GABRB1: variants seen among roughly 807,000 people sequenced by gnomAD.
The protein encoded by GABRB1 is gamma-aminobutyric acid type A receptor subunit beta1.
GABRB1 carries 17 observed loss-of-function variants against 51.6 expected under a neutral mutation model. The ratio of observed to expected loss-of-function variants is 0.33; its 90% CI spans 0.23 to 0.49. GABRB1 has a LOEUF of 0.49. GABRB1 is among the 20% of genes least tolerant of loss of function. GABRB1 has a pLI of 0.99. For synonymous variants in GABRB1, 247 were observed against 218.9 expected (o/e 1.13, Z -1.14); for missense variants, 410 against 600.6 (o/e 0.68, Z 3.32).
At chr4:47,195,390 TAGATGATAGATA>T (rs1165222965) in intron 4 of GABRB1, among the ~76,000 whole-genome samples, 2 of 32,508 alleles carry the variant, frequency 6.2e-5, no homozygotes, top group South Asian at 1.5e-3. Context: ...GATAGATAGA[TAGATGATAGATA>T]GATAGATAGA....
At chr4:47,309,014 C>T (rs1246239371) in intron 4 of GABRB1, among the ~76,000 whole-genome samples, 1 of 152,028 alleles carries the variant, frequency 6.6e-6, no homozygotes, top group Non-Finnish European at 1.5e-5. Flanking sequence ...GAGAGGGCAA[C>T]CTCATTTTAT....
chr4:47,025,718 C>T (rs1033640382), intron 1 of GABRB1, among the ~76,000 whole-genome samples: 74 of 151,968 alleles, frequency 4.9e-4, no homozygotes, highest in Middle Eastern at 3.4e-3. Flanking sequence ...AAGTTTTTTT[C>T]CCAAACAAAT....
chr4:47,276,350 T>A (rs2109900344), intron 4 of GABRB1, among the ~76,000 whole-genome samples: 1 of 152,232 alleles, frequency 6.6e-6, no homozygotes, highest in South Asian at 2.1e-4. Flanking sequence ...GAATTTTATG[T>A]TTTTCAATAA....
intron 3 of GABRB1, among the ~76,000 whole-genome samples, chr4:47,059,689 C>T (rs919555132): frequency 1.3e-5 from 2 of 152,128 alleles, no homozygotes; most frequent in Non-Finnish European, 2.9e-5. Flanking sequence ...GGTGTTCTGC[C>T]TCTGGTGGTC....
At chr4:47,195,746 A>G (rs2109790039) in intron 4 of GABRB1, among the ~76,000 whole-genome samples, 1 of 152,314 alleles carries the variant, frequency 6.6e-6, no homozygotes, top group East Asian at 1.9e-4. Flanking sequence ...TTAAACACTT[A>G]TTAGGTTCCA....
intron 4 of GABRB1, among the ~76,000 whole-genome samples, chr4:47,294,019 C>A (rs1723862204): frequency 6.6e-6 from 1 of 152,100 alleles, no homozygotes; most frequent in Non-Finnish European, 1.5e-5. Flanking sequence ...AGCTACAACC[C>A]CTCCACAGCA....
At chr4:47,324,528 A>G (rs1416569023) in intron 5 of GABRB1, among the ~76,000 whole-genome samples, 1 of 152,148 alleles carries the variant, frequency 6.6e-6, no homozygotes, top group Non-Finnish European at 1.5e-5. Context: ...TTGAAAGGAT[A>G]ATCTATATCT....
intron 5 of GABRB1, among the ~76,000 whole-genome samples, chr4:47,347,818 A>G (rs1361706828): frequency 6.6e-6 from 1 of 152,222 alleles, no homozygotes; most frequent in Non-Finnish European, 1.5e-5. Context: ...GATAATAATG[A>G]CAATGAAGAT....
intron 3 of GABRB1, among the ~76,000 whole-genome samples, chr4:47,107,716 A>G (rs543453259): frequency 1.3e-5 from 2 of 152,178 alleles, no homozygotes; most frequent in Admixed American, 1.3e-4. Flanking sequence ...GTAAGAATTA[A>G]CTAATATTTG....
chr4:47,337,140 A>G (rs1725728331), intron 5 of GABRB1, among the ~76,000 whole-genome samples: 1 of 152,246 alleles, frequency 6.6e-6, no homozygotes, highest in East Asian at 1.9e-4. Context: ...TCTGGAAGGG[A>G]CAATAAGAAA....
intron 5 of GABRB1, among the ~76,000 whole-genome samples, chr4:47,395,421 A>T (rs1229736150): frequency 6.6e-6 from 1 of 152,206 alleles, no homozygotes; most frequent in Non-Finnish European, 1.5e-5. Context: ...ACACGAGAAC[A>T]GCAAGGGGAA....
intron 4 of GABRB1, among the ~76,000 whole-genome samples, chr4:47,201,723 A>G (rs2109797694): frequency 6.6e-6 from 1 of 152,270 alleles, no homozygotes; most frequent in African/African-American, 2.4e-5. Flanking sequence ...TTTAATAATA[A>G]AAAGTTGTGA....
At chr4:47,406,200 G>A (rs540656747) in intron 7 of GABRB1, among the ~76,000 whole-genome samples, 3 of 152,224 alleles carry the variant, frequency 2.0e-5, no homozygotes, top group African/African-American at 7.2e-5. Flanking sequence ...TTGTAACTTG[G>A]GTGTCCTGTA....
chr4:47,273,078 A>G (rs1287522794), intron 4 of GABRB1, among the ~76,000 whole-genome samples: 2 of 152,300 alleles, frequency 1.3e-5, no homozygotes, highest in African/African-American at 4.8e-5. Flanking sequence ...CATCCTAAGG[A>G]AAAAAGCCAA....
intron 8 of GABRB1, among the ~76,000 whole-genome samples, chr4:47,425,399 A>T (rs1262407943): frequency 6.6e-6 from 1 of 151,598 alleles, no homozygotes; most frequent in East Asian, 1.9e-4. Context: ...ACACACACAC[A>T]CACACACACA....
intron 4 of GABRB1, among the ~76,000 whole-genome samples, chr4:47,240,038 T>G (rs1721467009): frequency 6.6e-6 from 1 of 152,216 alleles, no homozygotes; most frequent in Non-Finnish European, 1.5e-5. Context: ...TACATGAATT[T>G]ATTCTCAGTG....
chr4:47,280,951 C>G (rs1009968632), intron 4 of GABRB1, among the ~76,000 whole-genome samples: 1 of 151,864 alleles, frequency 6.6e-6, no homozygotes, highest in African/African-American at 2.4e-5. Context: ...CTGTGCCCAG[C>G]CTTCCCTTTA....
intron 4 of GABRB1, among the ~76,000 whole-genome samples, chr4:47,290,333 T>A (rs1282810432): frequency 6.6e-6 from 1 of 152,218 alleles, no homozygotes; most frequent in Non-Finnish European, 1.5e-5. Flanking sequence ...TGCCACCACA[T>A]GAGGCATGAC....
At chr4:47,240,002 C>T (rs780752873) in intron 4 of GABRB1, among the ~76,000 whole-genome samples, 1 of 152,182 alleles carries the variant, frequency 6.6e-6, no homozygotes, top group African/African-American at 2.4e-5. Context: ...GGTGGATTAG[C>T]AGCAGCAGCT....
Sources: allele counts gnomAD v4.1 joint callset (sites outside exome capture counted in the v4.1 genomes callset), GRCh38; gene constraint gnomAD v4.1.1; transcripts MANE v1.5; gene names NCBI Gene and HGNC (gene_info 2026-07-23, HGNC 2026-07-21).